The following ALK variants were observed in gnomAD, a reference collection of about 807,000 sequenced individuals.
The protein encoded by ALK is ALK tyrosine kinase receptor.
A neutral mutation model predicts 163.1 loss-of-function variants in ALK; 74 were observed. That is an observed-to-expected ratio of 0.45 (90% CI 0.38 to 0.55). The LOEUF (loss-of-function observed/expected upper bound fraction) is 0.55. Among genes scored for constraint, ALK ranks in the 20% least tolerant of loss-of-function variants. The pLI, the probability that ALK is intolerant of heterozygous loss-of-function variation, is 0.00. For synonymous variants in ALK, 960 were observed against 843.2 expected (o/e 1.14, Z -2.40); for missense variants, 2,063 against 2,105.3 (o/e 0.98, Z 0.39).
chr2:29,836,848 C>T (rs893744660), intron 1 of ALK, among the ~76,000 whole-genome samples: 1 of 152,186 alleles, frequency 6.6e-6, no homozygotes, highest in Non-Finnish European at 1.5e-5. Context: ...ACAGTTCCTC[C>T]ATATGCAAAA....
intron 4 of ALK, among the ~76,000 whole-genome samples, chr2:29,406,378 G>A (rs1669584733): frequency 1.3e-5 from 2 of 152,128 alleles, no homozygotes; most frequent in African/African-American, 4.8e-5. Flanking sequence ...ATAAGGACTT[G>A]TTAGGATTTG....
intron 1 of ALK, among the ~76,000 whole-genome samples, chr2:29,865,156 A>G (rs1186093399): frequency 1.3e-5 from 2 of 152,208 alleles, no homozygotes; most frequent in Non-Finnish European, 2.9e-5. Flanking sequence ...TCTTCTTGCC[A>G]CGTCAGGTGA....
intron 12 of ALK, among the ~76,000 whole-genome samples, chr2:29,247,687 TG>T (rs1664717663): frequency 6.6e-6 from 1 of 152,042 alleles, no homozygotes; most frequent in South Asian, 2.1e-4. Flanking sequence ...CCCCAGGCAA[TG>T]GTGGCCCCCC....
chr2:29,207,041 C>T (rs1377268939), intron 26 of ALK, 130 bp downstream of exon 26: 8 of 742,574 alleles, frequency 1.1e-5, no homozygotes, highest in South Asian at 5.8e-5. Context: ...CCACTGTTGT[C>T]GGGTGTATTG....
intron 4 of ALK, among the ~76,000 whole-genome samples, chr2:29,511,423 TTAGCATAATAA>T (rs1307859145): frequency 1.3e-5 from 2 of 152,214 alleles, no homozygotes; most frequent in African/African-American, 4.8e-5. Flanking sequence ...CTTCTTTCTC[TTAGCATAATAA>T]TTTTGAGATT....
intron 3 of ALK, among the ~76,000 whole-genome samples, chr2:29,622,880 A>C (rs1676075280): frequency 6.6e-6 from 1 of 152,078 alleles, no homozygotes; most frequent in Non-Finnish European, 1.5e-5. Context: ...GGTCCCCTGC[A>C]CCTCACTGCT....
Position 29,646,093 on chromosome 2 carries a change from G to A in ALK, c.952+48757C>T, listed in dbSNP as rs530395615. 1.7e-3 allele frequency among the ~76,000 whole-genome samples: 264 copies of A among 152,090 alleles called. 3 individuals carry two copies. Among genetic ancestry groups the A allele is most frequent in the African/African-American group, 6.0e-3 (249 of 41,500 alleles). On this transcript the variant is annotated intron_variant, in intron 3 of 28. Coordinates refer to ENST00000389048, the MANE Select transcript of ALK (RefSeq NM_004304.5). ...TCTTCCTTCTTAAGATCTCCACTTG[G>A]CCATTGTTATGGATTGAATGATTCC...
intron 3 of ALK, among the ~76,000 whole-genome samples, chr2:29,601,587 A>G (rs1392115991): frequency 2.0e-5 from 3 of 151,982 alleles, no homozygotes; most frequent in African/African-American, 7.3e-5. Context: ...TGTCATGGCC[A>G]CCCAGAGAGG....
intron 4 of ALK, among the ~76,000 whole-genome samples, chr2:29,433,265 G>T (rs1245633000): frequency 6.6e-6 from 1 of 152,150 alleles, no homozygotes; most frequent in Non-Finnish European, 1.5e-5. Context: ...GTGGACAGGA[G>T]AATTTTGTTA....
chr2:29,517,322 T>G lies in ALK; in HGVS notation c.1154+14593A>C, dbSNP rs76892823. 2.8e-4 allele frequency among the ~76,000 whole-genome samples: 42 copies of G among 152,266 alleles called. 1 individual carries two copies. The East Asian group carries it at 7.7e-3, about 28-fold the overall frequency. ...TCTCAGAGCTTCAAGATCTTCATTATACAACTGTCATTTTATTTCTCTTGT... is the reference window on the plus strand; with the variant it reads ...TCTCAGAGCTTCAAGATCTTCATTAGACAACTGTCATTTTATTTCTCTTGT... On this transcript the variant is annotated intron_variant, in intron 4 of 28. Transcript: ENST00000389048.
chr2:29,406,292 C>T (rs947309638), intron 4 of ALK, among the ~76,000 whole-genome samples: 1 of 152,140 alleles, frequency 6.6e-6, no homozygotes, highest in African/African-American at 2.4e-5. Context: ...CATCTCTAGT[C>T]CTCCCTAGGA....
At chr2:29,427,219 CA>C (rs1670166816) in intron 4 of ALK, among the ~76,000 whole-genome samples, 1 of 151,652 alleles carries the variant, frequency 6.6e-6, no homozygotes, top group South Asian at 2.1e-4. Context: ...TTTTAACATA[CA>C]AAAAAATTTA....
In ALK at chr2:29,771,164, C is replaced by T. The variant is rs541731318; in HGVS notation, c.668-53467G>A. ...ACACAGACATAGATGCATACATACA[C>T]AAATACACACATATATGCACACGTA... is the stretch of plus-strand genomic sequence containing the variant. On this transcript the variant is annotated intron_variant, in intron 1 of 28. Transcript: ENST00000389048. 5.0e-3 allele frequency among the ~76,000 whole-genome samples: 758 copies of T among 152,114 alleles called. 5 individuals are homozygous for T. Among genetic ancestry groups the T allele is most frequent in the African/African-American group, 0.018 (727 of 41,512 alleles).
At chr2:29,221,790 G>A (rs10194138) in intron 22 of ALK, among the ~76,000 whole-genome samples, 42,215 of 151,950 alleles carry the variant, frequency 0.28, 7,061 homozygotes, top group East Asian at 0.73. Flanking sequence ...CTGATCTTGA[G>A]GTCAAATATC....
rs186596816 is a variant in ALK at position 29,583,076 on chromosome 2, G to A, written c.953-50960C>T. 4.6e-3 allele frequency among the ~76,000 whole-genome samples: 638 copies of A among 139,808 alleles called. 7 individuals carry two copies. Among genetic ancestry groups the A allele is most frequent in the African/African-American group, 0.016 (592 of 37,534 alleles). 91.7% of individuals were successfully genotyped at this position (139,808 alleles called of 152,430 possible). On this transcript the variant is annotated intron_variant, in intron 3 of 28. Coordinates refer to ENST00000389048, the MANE Select transcript of ALK (RefSeq NM_004304.5). ...TTTTTTTTAGTAAAGATGGGATTTT[G>A]CCATGTTGGCCAGGCTGGTCTCAAA...
chr2:29,794,362 TTCTC>T (rs1371732115), intron 1 of ALK, among the ~76,000 whole-genome samples: 1 of 152,162 alleles, frequency 6.6e-6, no homozygotes, highest in Non-Finnish European at 1.5e-5. Flanking sequence ...CACTCAAACT[TTCTC>T]TATACCAGCA....
chr2:29,344,019 G>A (rs1667876208), intron 5 of ALK, among the ~76,000 whole-genome samples: 1 of 151,928 alleles, frequency 6.6e-6, no homozygotes, highest in Non-Finnish European at 1.5e-5. Context: ...AGGACACCTA[G>A]AGGAAACATT....
chr2:29,869,338 G>T (rs1666517875), intron 1 of ALK, among the ~76,000 whole-genome samples: 1 of 152,126 alleles, frequency 6.6e-6, no homozygotes, highest in African/African-American at 2.4e-5. Flanking sequence ...TAGGCATCTT[G>T]TGAGGAAAGA....
intron 3 of ALK, among the ~76,000 whole-genome samples, chr2:29,653,610 C>T (rs1308091066): frequency 6.6e-6 from 1 of 152,092 alleles, no homozygotes; most frequent in Non-Finnish European, 1.5e-5. Flanking sequence ...CAACATATCC[C>T]AAAGGACCAG....
Sources: allele counts gnomAD v4.1 joint callset (sites outside exome capture counted in the v4.1 genomes callset), GRCh38; gene constraint gnomAD v4.1.1; transcripts MANE v1.5; gene names NCBI Gene and HGNC (gene_info 2026-07-23, HGNC 2026-07-21).